Variants in EYS observed in about 807,000 individuals in gnomAD.
EYS encodes protein eyes shut homolog.
Under a neutral mutation model 282.1 loss-of-function variants are expected in EYS, and 250 were observed. The ratio of observed to expected loss-of-function variants is 0.89; its 90% confidence interval spans 0.80 to 0.98. The LOEUF (loss-of-function observed/expected upper bound fraction) is 0.98, where lower values mean the gene tolerates loss of function less well. Among genes scored for constraint, EYS ranks in the 50% least tolerant of loss-of-function variants. The pLI, the probability that EYS is intolerant of heterozygous loss-of-function variation, is 0.00. For missense variants in EYS, 4,016 were observed against 3,709.0 expected (o/e 1.08, Z -2.15); for synonymous variants, 1,355 against 1,282.9 (o/e 1.06, Z -1.20).
At chr6:64,803,972 C>T (rs553648852) in intron 22 of EYS, among the ~76,000 whole-genome samples, 17 of 152,220 alleles carry the variant, frequency 1.1e-4, no homozygotes, top group Admixed American at 3.9e-4. Flanking sequence ...CAGCTGCGCC[C>T]GGGAGGGTAG....
intron 12 of EYS, among the ~76,000 whole-genome samples, chr6:65,258,420 T>G (rs1335576865): frequency 6.6e-6 from 1 of 152,068 alleles, no homozygotes; most frequent in Admixed American, 6.6e-5. Flanking sequence ...ACAGGATTCC[T>G]GTGAAGTTTT....
At chr6:64,909,276 G>A (rs554890673) in intron 16 of EYS, among the ~76,000 whole-genome samples, 4 of 152,056 alleles carry the variant, frequency 2.6e-5, no homozygotes, top group Non-Finnish European at 5.9e-5. Context: ...ATGTATTTGT[G>A]TATGGAGTAC....
intron 2 of EYS, among the ~76,000 whole-genome samples, chr6:65,594,002 G>A (rs1412534374): frequency 6.6e-6 from 1 of 151,904 alleles, no homozygotes; most frequent in East Asian, 1.9e-4. Context: ...CTGTTAGGTA[G>A]CATAGACATG....
chr6:65,644,703 T>G (rs1054439821), intron 1 of EYS, among the ~76,000 whole-genome samples: 1 of 152,138 alleles, frequency 6.6e-6, no homozygotes, highest in Non-Finnish European at 1.5e-5. Context: ...CCTATCAGAT[T>G]AACAGCAGAT....
At chr6:65,261,074 A>G (rs895323401) in intron 12 of EYS, among the ~76,000 whole-genome samples, 7 of 152,048 alleles carry the variant, frequency 4.6e-5, no homozygotes, top group African/African-American at 1.4e-4. Context: ...TGATCTTTAA[A>G]GAGTGGAGAA....
At chr6:65,648,350 G>GTA (rs946776146) in intron 1 of EYS, among the ~76,000 whole-genome samples, 1 of 146,878 alleles carries the variant, frequency 6.8e-6, no homozygotes, top group African/African-American at 2.6e-5. Context: ...GTGTGTGTGT[G>GTA]TATACCATAG....
chr6:64,900,300 T>C (rs1352479475), intron 18 of EYS, among the ~76,000 whole-genome samples: 6 of 151,966 alleles, frequency 3.9e-5, no homozygotes, highest in Non-Finnish European at 8.8e-5. Context: ...CTAGGCAATA[T>C]CATTCAGGAC....
intron 12 of EYS, among the ~76,000 whole-genome samples, chr6:65,084,401 A>G (rs1774308057): frequency 6.6e-6 from 1 of 152,174 alleles, no homozygotes; most frequent in Non-Finnish European, 1.5e-5. Context: ...AGATTGTTAA[A>G]TATCTGTTTC....
intron 28 of EYS, among the ~76,000 whole-genome samples, chr6:64,435,057 C>T (rs1774693620): frequency 6.6e-6 from 1 of 151,940 alleles, no homozygotes; most frequent in Non-Finnish European, 1.5e-5. Flanking sequence ...ATGGCATTTT[C>T]CAAAGTGTAC....
rs192447674 is a variant in EYS, at chr6:64,612,168, A to G, written c.3684+5250T>C. On this transcript the variant is annotated intron_variant, in intron 24 of 42. Coordinates refer to ENST00000503581, the MANE Select transcript of EYS (RefSeq NM_001142800.2). ...AGGCTGTCCTTCTGTAGAACTCAGA[A>G]CCCTTTTTTCTCAGAAAATAGTTTC... Among the ~76,000 whole-genome samples, 213 of 152,052 alleles carry G rather than the reference A, an allele frequency of 1.4e-3. 1 individual carries two copies. Among genetic ancestry groups the G allele is most frequent in the African/African-American group, 5.0e-3 (207 of 41,504 alleles).
At chr6:64,020,360 C>A (rs142343557) in intron 33 of EYS, among the ~76,000 whole-genome samples, 3 of 151,986 alleles carry the variant, frequency 2.0e-5, no homozygotes, top group Non-Finnish European at 2.9e-5. Flanking sequence ...ATCATAAAAC[C>A]TTTTCCTTTA....
chr6:64,811,770 A>C (rs1255841227), intron 22 of EYS, among the ~76,000 whole-genome samples: 1 of 152,088 alleles, frequency 6.6e-6, no homozygotes, highest in African/African-American at 2.4e-5. Context: ...GAAGCCAAAC[A>C]GATGCCTATG....
intron 35 of EYS, among the ~76,000 whole-genome samples, chr6:63,875,194 T>A (rs976531510): frequency 6.6e-6 from 1 of 152,234 alleles, no homozygotes; most frequent in Non-Finnish European, 1.5e-5. Context: ...CCTGCTGAAT[T>A]TTGTCAAAGC....
At chr6:65,181,626 C>G (rs1562008544) in intron 12 of EYS, among the ~76,000 whole-genome samples, 1 of 152,122 alleles carries the variant, frequency 6.6e-6, no homozygotes, top group Non-Finnish European at 1.5e-5. Flanking sequence ...TAAACTAGTT[C>G]AACCGTTGTG....
chr6:63,768,141 A>G (rs1337101354), intron 40 of EYS, among the ~76,000 whole-genome samples: 1 of 152,036 alleles, frequency 6.6e-6, no homozygotes, highest in Admixed American at 6.6e-5. Context: ...AACCTAGGAA[A>G]TACCATTCTG....
intron 14 of EYS, among the ~76,000 whole-genome samples, chr6:64,982,497 A>T (rs868639698): frequency 6.6e-6 from 1 of 151,270 alleles, no homozygotes. Context: ...TATAAATTAC[A>T]TGTATTTTGG....
At chr6:64,197,088 G>C (rs748570063) in intron 31 of EYS, among the ~76,000 whole-genome samples, 1 of 151,934 alleles carries the variant, frequency 6.6e-6, no homozygotes, top group Non-Finnish European at 1.5e-5. Flanking sequence ...GTCTCAGGGC[G>C]TGACCAACTT....
chr6:64,504,444 A>T (rs950973345), intron 26 of EYS, among the ~76,000 whole-genome samples: 1 of 152,216 alleles, frequency 6.6e-6, no homozygotes, highest in African/African-American at 2.4e-5. Flanking sequence ...TTTGTTGAAG[A>T]GTCACTGCTC....
intron 22 of EYS, among the ~76,000 whole-genome samples, chr6:64,787,949 T>C (rs761687491): frequency 6.5e-4 from 99 of 152,016 alleles, no homozygotes; most frequent in Middle Eastern, 3.2e-3. Flanking sequence ...CCTTTGTAAC[T>C]GTTGTTTTTA....
Sources: allele counts gnomAD v4.1 joint callset (sites outside exome capture counted in the v4.1 genomes callset), GRCh38; gene constraint gnomAD v4.1.1; transcripts MANE v1.5; gene names NCBI Gene and HGNC (gene_info 2026-07-23, HGNC 2026-07-21).